The following RIMS2 variants were observed in gnomAD, a reference collection of about 807,000 sequenced individuals.
RIMS2 encodes regulating synaptic membrane exocytosis 2.
Under a neutral mutation model 174.4 loss-of-function variants are expected in RIMS2, and 59 were observed. That is an observed-to-expected ratio of 0.34 (90% confidence interval 0.27 to 0.42). The LOEUF is 0.42. Ranked by LOEUF, RIMS2 falls within the 10% of genes least tolerant of loss-of-function variation. The probability of loss-of-function intolerance (pLI) is 1.00; values close to 1 mark genes in which losing one functional copy is unlikely to be tolerated. For missense variants in RIMS2, 1,620 were observed against 1,666.3 expected, an observed-to-expected ratio of 0.97 and a Z score of 0.48; for synonymous variants, 606 against 572.5, an observed-to-expected ratio of 1.06 and a Z score of -0.84.
exon 4 of RIMS2, chr8:103,886,046 C>T (rs761069428): frequency 3.1e-6 from 5 of 1,613,016 alleles, no homozygotes; most frequent in Admixed American, 1.7e-5. Context: ...GAATGATTCT[C>T]TCAGTTCAGA....
At chr8:104,128,894 A>G (rs1220330117) in intron 19 of RIMS2, among the ~76,000 whole-genome samples, 1 of 152,184 alleles carries the variant, frequency 6.6e-6, no homozygotes, top group Non-Finnish European at 1.5e-5. Context: ...GGAAAAAAAT[A>G]TATTTGTTGT....
intron 2 of RIMS2, among the ~76,000 whole-genome samples, chr8:103,714,540 G>A (rs1590947678): frequency 1.3e-5 from 2 of 152,096 alleles, no homozygotes; most frequent in East Asian, 3.9e-4. Flanking sequence ...GGATCAGAAA[G>A]ATGGAATACC....
chr8:103,769,821 G>A (rs78601080), intron 3 of RIMS2, among the ~76,000 whole-genome samples: 4,741 of 152,034 alleles, frequency 0.031, 223 homozygotes, highest in African/African-American at 0.11. Flanking sequence ...TAATAAATTC[G>A]TGCTTAATGA....
chr8:103,906,306 A>G (rs2074391368), intron 4 of RIMS2, among the ~76,000 whole-genome samples: 1 of 152,102 alleles, frequency 6.6e-6, no homozygotes, highest in Admixed American at 6.5e-5. Flanking sequence ...GTGCAATGGC[A>G]CTGTCTCAGC....
chr8:103,992,657 T>G (rs2154550851), intron 17 of RIMS2, among the ~76,000 whole-genome samples: 1 of 152,320 alleles, frequency 6.6e-6, no homozygotes, highest in South Asian at 2.1e-4. Context: ...ATAGGTAATG[T>G]AAAAATAATT....
At chr8:103,776,266 G>A (rs1271335023) in intron 3 of RIMS2, among the ~76,000 whole-genome samples, 2 of 152,128 alleles carry the variant, frequency 1.3e-5, no homozygotes, top group Non-Finnish European at 2.9e-5. Flanking sequence ...AGGACAGGAT[G>A]AAGGTACCAC....
rs1403403239 is a variant in RIMS2, at chr8:104,061,451, A to C, written c.3334+46836A>C. On this transcript the variant is annotated intron_variant, in intron 19 of 23. Coordinates refer to ENST00000504942, the Ensembl canonical transcript of RIMS2. Reference sequence around the variant, plus strand: ...ATTTTTTAATTACACTTTTCTTCTTATAAAAGTAACATGCAGTTGTGTAAA... The same window carrying C: ...ATTTTTTAATTACACTTTTCTTCTTCTAAAAGTAACATGCAGTTGTGTAAA... Among the ~76,000 whole-genome samples, 6 of 152,090 alleles carry C rather than the reference A, an allele frequency of 3.9e-5. No individual in the cohort carries two copies. In the South Asian group the frequency reaches 6.2e-4, roughly 16 times the overall value.
At position 103,656,168 on chromosome 8, in the gene RIMS2, A is replaced by G. The variant is rs1451267932; in HGVS notation, c.177-40918A>G. 4.6e-5 allele frequency among the ~76,000 whole-genome samples: 7 copies of G among 152,120 alleles called. No individual in the cohort carries two copies. The East Asian group carries it at 1.3e-3, about 29-fold the overall frequency. The stretch of plus-strand genomic sequence containing the variant: ...GTTGTTGAAGAAGGGAAAAGAACCA[A>G]AGATGACTCCTGGGTTTCTAGTTGA... On this transcript the variant is annotated intron_variant, in intron 1 of 23. Coordinates refer to ENST00000504942, the Ensembl canonical transcript of RIMS2.
intron 3 of RIMS2, among the ~76,000 whole-genome samples, chr8:103,786,740 A>G (rs1429483074): frequency 6.6e-6 from 1 of 152,192 alleles, no homozygotes. Flanking sequence ...AAAAAAATGT[A>G]TATTCTGTTG....
At chr8:103,523,064 G>C (rs1832467671) in intron 1 of RIMS2, among the ~76,000 whole-genome samples, 2 of 151,882 alleles carry the variant, frequency 1.3e-5, no homozygotes, top group African/African-American at 4.8e-5. Context: ...TTTTGCTGTG[G>C]CCAGGAATGA....
At chr8:103,561,640 A>G (rs1448038550) in intron 1 of RIMS2, among the ~76,000 whole-genome samples, 1 of 152,208 alleles carries the variant, frequency 6.6e-6, no homozygotes, top group Non-Finnish European at 1.5e-5. Context: ...GTGTGTTCCT[A>G]TTATATCTTG....
At chr8:103,617,915 A>T (rs559420290) in intron 1 of RIMS2, among the ~76,000 whole-genome samples, 26 of 152,312 alleles carry the variant, frequency 1.7e-4, no homozygotes, top group African/African-American at 5.5e-4. Context: ...GGGAGTGTAA[A>T]TTGGTTCAAC....
chr8:103,603,424 T>G (rs1179571783), intron 1 of RIMS2, among the ~76,000 whole-genome samples: 1 of 148,512 alleles, frequency 6.7e-6, no homozygotes, highest in African/African-American at 2.5e-5. Context: ...TGGTTCCAAG[T>G]CTTTGCTATT....
At chr8:103,614,922 C>A (rs7825184) in intron 1 of RIMS2, among the ~76,000 whole-genome samples, 27,698 of 152,082 alleles carry the variant, frequency 0.18, 2,762 homozygotes, top group African/African-American at 0.26. Flanking sequence ...ATTTCTAACA[C>A]ATATTAAACT....
At chr8:103,682,891 C>T (rs968264124) in intron 1 of RIMS2, among the ~76,000 whole-genome samples, 1 of 152,104 alleles carries the variant, frequency 6.6e-6, no homozygotes, top group Non-Finnish European at 1.5e-5. Context: ...GATAGTGCTG[C>T]AGTATCTGGG....
At chr8:103,871,480 C>G (rs937363199) in intron 3 of RIMS2, among the ~76,000 whole-genome samples, 2 of 150,224 alleles carry the variant, frequency 1.3e-5, no homozygotes, top group Admixed American at 6.6e-5. Context: ...TGTGTAGATT[C>G]AGTTATATAT....
intron 3 of RIMS2, among the ~76,000 whole-genome samples, chr8:103,826,343 G>C (rs2098790868): frequency 6.6e-6 from 1 of 151,024 alleles, no homozygotes; most frequent in Admixed American, 6.6e-5. Flanking sequence ...CCTTCCAGAA[G>C]CTTGAGTTTT....
chr8:103,759,431 G>A (rs1238273417), intron 2 of RIMS2, among the ~76,000 whole-genome samples: 1 of 151,974 alleles, frequency 6.6e-6, no homozygotes, highest in African/African-American at 2.4e-5. Flanking sequence ...TGGGCGTGGC[G>A]GTGGGCGCCT....
intron 2 of RIMS2, among the ~76,000 whole-genome samples, chr8:103,706,966 T>C (rs2097238733): frequency 6.6e-6 from 1 of 152,208 alleles, no homozygotes; most frequent in Non-Finnish European, 1.5e-5. Context: ...GTAAGTGTAC[T>C]TCATTTCTTT....
Sources: allele counts gnomAD v4.1 joint callset (sites outside exome capture counted in the v4.1 genomes callset), GRCh38; gene constraint gnomAD v4.1.1; transcripts MANE v1.5; gene names NCBI Gene and HGNC (gene_info 2026-07-23, HGNC 2026-07-21).